The following PI4KA variants were observed in gnomAD, a reference collection of about 807,000 sequenced individuals.
The protein encoded by PI4KA is phosphatidylinositol 4-kinase alpha, also known as PI4-kinase alpha.
In PI4KA, 122 loss-of-function variants were observed where a neutral mutation model predicts 271.4. That is an observed-to-expected ratio of 0.45 (90% confidence interval 0.39 to 0.52). PI4KA has a LOEUF of 0.52. Among genes scored for constraint, PI4KA ranks in the 20% least tolerant of loss-of-function variants. The pLI is 0.00. For synonymous variants in PI4KA, 1,041 were observed against 1,078.8 expected (o/e 0.96, Z 0.69); for missense variants, 1,969 against 2,769.1 (o/e 0.71, Z 6.48).
rs946916790 is a variant in PI4KA at position 20,819,543 on chromosome 22, C to G, written c.789+98G>C. 9 of 1,134,460 alleles carry G rather than the reference C, an allele frequency of 7.9e-6. No homozygotes were observed. The East Asian group carries it at 2.1e-4, about 27-fold the overall frequency. The allele number at this position is 1,134,460 out of a possible 1,614,324, so 70.3% of individuals were successfully genotyped here. A position where few individuals can be genotyped will look rare whatever the true frequency, so the allele number is the denominator to read the frequency against. ...AATTCTAGTGAAACATTTCACGTTA[C>G]TTAAGTTTACTCCAACTACAAAGAA... is the stretch of plus-strand genomic sequence containing the variant. On this transcript the variant is annotated intron_variant, in intron 6 of 54. Transcript: ENST00000255882.
intron 3 of PI4KA, among the ~76,000 whole-genome samples, chr22:20,833,684 G>A (rs1181405352): frequency 2.8e-5 from 4 of 143,818 alleles, no homozygotes; most frequent in African/African-American, 5.2e-5. Context: ...TTTTTGAGAC[G>A]GAGTCTCGTG....
rs767891031 is a variant in PI4KA at position 20,718,828 on chromosome 22, A to C, written c.5117-6T>G. Reference sequence around the variant, plus strand: ...CAGGAGGTCGCCGATGTCAGCTGCCAAGGAAGCAAAGAGGCTTAAGTCTCT... The same window carrying C: ...CAGGAGGTCGCCGATGTCAGCTGCCCAGGAAGCAAAGAGGCTTAAGTCTCT... On this transcript the variant is annotated splice_region_variant and splice_polypyrimidine_tract_variant and intron_variant, in intron 43 of 54. Transcript: ENST00000255882. 26 of 1,613,522 alleles carry C rather than the reference A, an allele frequency of 1.6e-5. No individual in the cohort carries two copies. The highest frequency in any genetic ancestry group is 1.7e-6 in the Non-Finnish European group (2 of 1,179,938).
At chr22:20,824,500 T>A in intron 3 of PI4KA, 86 bp from the exon 4 acceptor site, 1 of 903,076 alleles carries the variant, frequency 1.1e-6, no homozygotes, top group South Asian at 1.6e-5. Context: ...ATGTTCCCTC[T>A]CACCATGACC....
chr22:20,743,792 C>T (rs1446555691), intron 30 of PI4KA, among the ~76,000 whole-genome samples: 5 of 152,074 alleles, frequency 3.3e-5, no homozygotes, highest in South Asian at 2.1e-4. Flanking sequence ...CGGTGGCTCA[C>T]GCCTGTAATC....
At chr22:20,769,878 T>C (rs1054650206) in intron 19 of PI4KA, among the ~76,000 whole-genome samples, 4 of 152,156 alleles carry the variant, frequency 2.6e-5, no homozygotes, top group African/African-American at 7.2e-5. Flanking sequence ...CCAGGAGTGA[T>C]GGTAGCACAG....
At chr22:20,779,412 A>G in intron 19 of PI4KA, 3 of 1,614,232 alleles carry the variant, frequency 1.9e-6, no homozygotes, top group Non-Finnish European at 2.5e-6. Context: ...AGGAGGGGAA[A>G]CTGCTCAGTC....
intron 1 of PI4KA, among the ~76,000 whole-genome samples, chr22:20,840,098 C>T (rs1166796127): frequency 6.6e-6 from 1 of 152,202 alleles, no homozygotes; most frequent in Non-Finnish European, 1.5e-5. Context: ...ATACATTCCA[C>T]TACAAACCTG....
intron 19 of PI4KA, among the ~76,000 whole-genome samples, chr22:20,790,244 C>T (rs1327535849): frequency 1.3e-5 from 2 of 152,186 alleles, no homozygotes; most frequent in African/African-American, 2.4e-5. Context: ...AGGGCCAAAA[C>T]CCAGGCTTCC....
At chr22:20,737,306 C>T (rs529866165) in intron 32 of PI4KA, among the ~76,000 whole-genome samples, 1 of 152,354 alleles carries the variant, frequency 6.6e-6, no homozygotes, top group African/African-American at 2.4e-5. Context: ...AGAACAGCTG[C>T]TTTCAAGACC....
At chr22:20,786,235 CCAATCT>C (rs1934214505) in intron 19 of PI4KA, 1 of 1,425,132 alleles carries the variant, frequency 7.0e-7, no homozygotes, top group South Asian at 1.1e-5. Flanking sequence ...TACCCACCCC[CCAATCT>C]CATGTCCCAG....
intron 12 of PI4KA, 66 bp from the exon 13 acceptor site, chr22:20,803,386 G>A (rs1269887573): frequency 5.0e-6 from 8 of 1,595,836 alleles, no homozygotes; most frequent in Admixed American, 1.7e-5. Context: ...GCCCTGAGCA[G>A]GGAGGTGCTC....
chr22:20,848,624 G>C (rs778485584), intron 1 of PI4KA, among the ~76,000 whole-genome samples: 2 of 152,016 alleles, frequency 1.3e-5, no homozygotes, highest in Admixed American at 1.3e-4. Flanking sequence ...GAGACAACTG[G>C]ATATTCACAT....
At chr22:20,837,681 TAAATA>T (rs1380446008) in intron 2 of PI4KA, among the ~76,000 whole-genome samples, 2 of 152,108 alleles carry the variant, frequency 1.3e-5, no homozygotes, top group African/African-American at 2.4e-5. Flanking sequence ...AATAAATAAA[TAAATA>T]AAAGATTCAA....
At chr22:20,851,328 G>C (rs1237682000) in intron 1 of PI4KA, among the ~76,000 whole-genome samples, 1 of 151,904 alleles carries the variant, frequency 6.6e-6, no homozygotes, top group African/African-American at 2.4e-5. Flanking sequence ...GTATAGCCTT[G>C]GGTTTTTTTT....
chr22:20,797,291 G>A (rs1342092818), intron 17 of PI4KA, among the ~76,000 whole-genome samples: 1 of 152,178 alleles, frequency 6.6e-6, no homozygotes, highest in Non-Finnish European at 1.5e-5. Flanking sequence ...AGCCAGAACT[G>A]AAGAACTGGA....
intron 9 of PI4KA, among the ~76,000 whole-genome samples, chr22:20,810,645 T>G (rs968706164): frequency 6.6e-6 from 1 of 150,464 alleles, no homozygotes; most frequent in African/African-American, 2.5e-5. Context: ...GATAAAAGAG[T>G]AGGAGAGACC....
At position 20,804,331 on chromosome 22, in the gene PI4KA, G is replaced by C. The variant is rs768797717; in HGVS notation, c.1430C>G (p.Ala477Gly). 3.1e-6 allele frequency: 5 copies of C among 1,613,828 alleles called. No individual in the cohort carries two copies. In the Admixed American group the frequency reaches 8.3e-5, roughly 27 times the overall value. Residue 477 changes from alanine to glycine, a missense_variant, in exon 12 of 55, where the codon GCT (alanine) becomes GGT (glycine). Physicochemically the swap from Ala to Gly is moderately conservative, Grantham distance 60. Transcript: ENST00000255882. ...ACAGCAGATCAGCAGGGGCAAGTGA[G>C]CAATAATGACTTTGCTGGACGTCTT... ...QSKTSSKVII[A>G]HLPLLICCLQ... is the part of the protein sequence containing the mutation.
intron 13 of PI4KA, 81 bp downstream of exon 13, chr22:20,803,110 A>G: frequency 1.4e-6 from 2 of 1,418,222 alleles, no homozygotes; most frequent in Non-Finnish European, 2.0e-6. Context: ...ACCCAGGTAC[A>G]GTCATGAAAC....
At chr22:20,724,057 C>T (rs1257956344) in intron 42 of PI4KA, among the ~76,000 whole-genome samples, 1 of 151,748 alleles carries the variant, frequency 6.6e-6, no homozygotes, top group African/African-American at 2.4e-5. Context: ...CCAGTATGGT[C>T]TCGATCTCCT....
Sources: allele counts gnomAD v4.1 joint callset (sites outside exome capture counted in the v4.1 genomes callset), GRCh38; gene constraint gnomAD v4.1.1; transcripts MANE v1.5; gene names NCBI Gene and HGNC (gene_info 2026-07-23, HGNC 2026-07-21).